KRT85: variants seen among roughly 807,000 people sequenced by gnomAD.
The protein encoded by KRT85 is keratin 85, also known as keratin, type II cuticular Hb5.
Under a neutral mutation model 53.7 loss-of-function variants are expected in KRT85, and 39 were observed. The ratio of observed to expected loss-of-function variants is 0.73; its 90% confidence interval spans 0.56 to 0.95. The LOEUF (loss-of-function observed/expected upper bound fraction) is 0.95, where lower values mean the gene tolerates loss of function less well. Among genes scored for constraint, KRT85 ranks in the 40% least tolerant of loss-of-function variants. The pLI is 0.00. For synonymous variants in KRT85, 291 were observed against 277.5 expected, an observed-to-expected ratio of 1.05 and a Z score of -0.48; for missense variants, 668 against 686.0, an observed-to-expected ratio of 0.97 and a Z score of 0.29.
At chr12:52,366,331 T>C (rs747034886) in intron 1 of KRT85, among the ~76,000 whole-genome samples, 1 of 152,254 alleles carries the variant, frequency 6.6e-6, no homozygotes, top group Admixed American at 6.5e-5. Context: ...TTTGCCATCA[T>C]GTTTCATGCA....
chr12:52,366,054 G>A (rs186425029), intron 1 of KRT85, among the ~76,000 whole-genome samples: 2 of 152,328 alleles, frequency 1.3e-5, no homozygotes, highest in East Asian at 3.9e-4. Context: ...CTAGAGGCCT[G>A]TGGACACAGG....
chr12:52,362,922 C>T lies in KRT85; in HGVS notation c.1009G>A (p.Glu337Lys), dbSNP rs751632584. ...ATGCGGTTCAGCTCGTTGATCTCCT[C>T]CTTGGTGCGGCGCAGGGTCTCCCCA... ...RHGETLRRTK[E>K]EINELNRMIQ... is the part of the protein sequence containing the mutation. The change falls in exon 6 of 9, where the codon GAG (glutamate) becomes AAG (lysine). Residue 337 changes from glutamate (E) to lysine (K), a missense_variant. Glu to Lys is a moderately conservative substitution (Grantham distance 56). Around this residue, in one of 3 missense-constraint regions of KRT85, gnomAD observed 488 missense variants for 498.1 expected, o/e 0.98. Transcript: ENST00000257901. The T allele has an allele frequency of 2.2e-5, 36 of 1,614,028 alleles. No homozygotes were observed. The highest frequency in any genetic ancestry group is 5.0e-5 in the Admixed American group (3 of 60,008).
At chr12:52,363,187 A>G (rs956807383) in intron 5 of KRT85, 59 bp downstream of exon 5, 4 of 1,605,124 alleles carry the variant, frequency 2.5e-6, no homozygotes, top group Admixed American at 1.7e-5. Context: ...CTTTTCTAAT[A>G]GATGCCTAAC....
chr12:52,367,244 G>A lies in KRT85; in HGVS notation c.162C>T (p.Arg54=), dbSNP rs752540365. ...CYRGLTGFGS[R]SLCNLGSCGP... is the part of the protein sequence containing the mutation. ...CGCAGGAGCCCAGGTTGCAGAGGCT[G>A]CGGCTGCCGAAGCCCGTCAGCCCTC... The change falls in exon 1 of 9, where the codon CGC becomes CGT. Residue 54 remains arginine, a synonymous_variant. Transcript: ENST00000257901. 10 of 1,612,308 alleles carry A rather than the reference G, an allele frequency of 6.2e-6. No homozygotes were observed. The highest frequency in any genetic ancestry group is 1.1e-5 in the South Asian group (1 of 91,012).
At chr12:52,365,818 T>C (rs1592142590) in intron 1 of KRT85, among the ~76,000 whole-genome samples, 1 of 152,096 alleles carries the variant, frequency 6.6e-6, no homozygotes, top group East Asian at 1.9e-4. Context: ...TAAGCGATAG[T>C]CTTGAGATAG....
At chr12:52,364,560 CCTT>C (rs1939244568) in intron 2 of KRT85, 194 bp from the exon 3 acceptor site, 2 of 1,461,238 alleles carry the variant, frequency 1.4e-6, no homozygotes, top group African/African-American at 2.8e-5. Context: ...CCGCCGCAGT[CCTT>C]CTGCCTCTGA....
Position 52,360,601 on chromosome 12 carries a change from C to A in KRT85, c.*252G>T. 7.0e-6 allele frequency: 4 copies of A among 569,936 alleles called. No individual in the cohort carries two copies. Among genetic ancestry groups the A allele is most frequent in the Non-Finnish European group, 1.3e-5 (4 of 318,132 alleles). The allele number at this position is 569,936 out of a possible 1,614,324, so 35.3% of individuals were successfully genotyped here. ...CAAATTGGATACAGGTATTTTGGAG[C>A]TAAGTAGGAGTTAAGTGAAGGGCTG... On this transcript the variant is annotated 3_prime_UTR_variant, in exon 9 of 9. Coordinates refer to ENST00000257901, the MANE Select transcript of KRT85 (RefSeq NM_002283.4).
chr12:52,365,865 C>T (rs765703324), intron 1 of KRT85, among the ~76,000 whole-genome samples: 35 of 152,174 alleles, frequency 2.3e-4, no homozygotes, highest in Non-Finnish European at 4.1e-4. Flanking sequence ...GTCTGAGATG[C>T]TCGTATACAC....
chr12:52,366,097 C>T (rs553837066), intron 1 of KRT85, among the ~76,000 whole-genome samples: 103 of 152,282 alleles, frequency 6.8e-4, no homozygotes, highest in African/African-American at 2.2e-3. Context: ...CAGCCTCCCC[C>T]GACAAAACTT....
chr12:52,361,323 A>G lies in KRT85; in HGVS notation c.1330+144T>C, dbSNP rs377199844. 8.4e-6 allele frequency: 7 copies of G among 832,206 alleles called. No individual in the cohort carries two copies. The African/African-American group carries it at 1.2e-4, about 14-fold the overall frequency. 51.6% of individuals were successfully genotyped at this position (832,206 alleles called of 1,614,324 possible). A position where few individuals can be genotyped will look rare whatever the true frequency, so the allele number is the denominator to read the frequency against. On this transcript the variant is annotated intron_variant, in intron 8 of 8. Coordinates refer to ENST00000257901, the MANE Select transcript of KRT85 (RefSeq NM_002283.4). ...AAGAGCACTCAGCTCAGCTTTCTCT[A>G]ACACCTGTCATGGCCCCCACTGAGG... is the stretch of plus-strand genomic sequence containing the variant.
chr12:52,367,359 C>T lies in KRT85; in HGVS notation c.47G>A (p.Arg16Lys), dbSNP rs1939290226. 2.5e-6 allele frequency: 4 copies of T among 1,614,156 alleles called. No individual in the cohort carries two copies. The highest frequency in any genetic ancestry group is 1.3e-5 in the African/African-American group (1 of 75,058). ...CACAGCTGAGCAGGAGCTGAAGTTC[C>T]TGGTGACCCCGCATCCTGAGCTGAT... ...YRISSGCGVTRNFSSCSAVAP... is the reference protein window; with the variant it reads ...YRISSGCGVTKNFSSCSAVAP... The change falls in exon 1 of 9, where the codon AGG becomes AAG. Residue 16 changes from arginine (R) to lysine (K), a missense_variant. Physicochemically the swap from Arg to Lys is conservative, Grantham distance 26. This residue lies in a region of KRT85 where 158 missense variants were observed against 141.8 expected (regional missense o/e 1.11). Coordinates refer to ENST00000257901, the MANE Select transcript of KRT85 (RefSeq NM_002283.4).
Position 52,363,705 on chromosome 12 carries a change from A to T in KRT85, c.787-295T>A, listed in dbSNP as rs1939229464. Among the ~76,000 whole-genome samples the T allele has an allele frequency of 2.0e-5, 3 of 152,198 alleles. No homozygotes were observed. In the South Asian group the frequency reaches 6.2e-4, roughly 32 times the overall value. On this transcript the variant is annotated intron_variant, in intron 4 of 8. Transcript: ENST00000257901. ...GGGGAGCTGGGGTTTGGAGGCTAGG[A>T]TGAGTGATTAGTCAGTCCATTAATG... is the stretch of plus-strand genomic sequence containing the variant.
intron 5 of KRT85, 69 bp from the exon 6 acceptor site, chr12:52,363,048 A>T: frequency 6.2e-7 from 1 of 1,612,152 alleles, no homozygotes; most frequent in South Asian, 1.1e-5. Flanking sequence ...ACCACAGATG[A>T]CTATACAGGT....
At chr12:52,363,224 G>A (rs1939220769) in intron 5 of KRT85, 22 bp downstream of exon 5, 2 of 1,614,036 alleles carry the variant, frequency 1.2e-6, no homozygotes, top group South Asian at 1.1e-5. Context: ...TGCTTAGCAG[G>A]CAGGTGTCCT....
intron 2 of KRT85, 189 bp from the exon 3 acceptor site, chr12:52,364,555 G>A (rs73093298): frequency 0.019 from 27,184 of 1,464,588 alleles, 299 homozygotes; most frequent in Non-Finnish European, 0.021. Flanking sequence ...TCATTCCGCC[G>A]CAGTCCTTCT....
rs1237130053 is a variant in KRT85 at position 52,361,004 on chromosome 12, G to C, written c.1373C>G (p.Ser458Cys). 2 of 1,613,640 alleles carry C rather than the reference G, an allele frequency of 1.2e-6. No homozygotes were observed. The highest frequency in any genetic ancestry group is 4.5e-5 in the East Asian group (2 of 44,874). Residue 458 changes from serine (S) to cysteine (C), a missense_variant, in exon 9 of 9, where the codon TCC becomes TGC. This residue lies in a region of KRT85 where 488 missense variants were observed against 498.1 expected (regional missense o/e 0.98). Transcript: ENST00000257901. ...SRGGVSCGGL[S>C]YSTTPGRQIT... ...CTGGCGCCCTGGGGTGGTGCTGTAG[G>C]AGAGGCCCCCACAGGAGACTCCACC... is the stretch of plus-strand genomic sequence containing the variant.
At chr12:52,366,676 TACAC>T (rs3837478) in intron 1 of KRT85, among the ~76,000 whole-genome samples, 2 of 151,714 alleles carry the variant, frequency 1.3e-5, no homozygotes, top group African/African-American at 4.8e-5. Context: ...CACACACATG[TACAC>T]ACACACATAT....
At chr12:52,361,523 G>A in intron 7 of KRT85, 25 bp from the exon 8 acceptor site, 1 of 1,609,832 alleles carries the variant, frequency 6.2e-7, no homozygotes, top group Non-Finnish European at 8.5e-7. Context: ...AACTCTGTTA[G>A]TTCCAGACAC....
chr12:52,365,716 T>C (rs546217934), intron 1 of KRT85, among the ~76,000 whole-genome samples: 31 of 152,302 alleles, frequency 2.0e-4, no homozygotes, highest in African/African-American at 7.5e-4. Flanking sequence ...TTCCATTCAA[T>C]TATCACAGCC....
Sources: allele counts gnomAD v4.1 joint callset (sites outside exome capture counted in the v4.1 genomes callset), GRCh38; gene constraint gnomAD v4.1.1; regional missense constraint gnomAD v4.1.1; transcripts MANE v1.5; gene names NCBI Gene and HGNC (gene_info 2026-07-23, HGNC 2026-07-21).